AGT: variants seen among roughly 807,000 people sequenced by gnomAD.
AGT encodes the protein alpha-1 antiproteinase, antitrypsin.
AGT carries 26 observed loss-of-function variants against 28.1 expected under a neutral mutation model. The ratio of observed to expected loss-of-function variants is 0.92; its 90% CI spans 0.68 to 1.28. The LOEUF is 1.28. Among genes scored for constraint, AGT ranks in the 50% most tolerant of loss-of-function variants. The probability of loss-of-function intolerance (pLI) is 0.00; values close to 1 mark genes in which losing one functional copy is unlikely to be tolerated. For missense variants in AGT, 596 were observed against 592.3 expected (o/e 1.01, Z -0.06); for synonymous variants, 259 against 259.6 (o/e 1.00, Z 0.02).
In AGT at chr1:230,704,200, A is replaced by G. The variant is rs572071570; in HGVS notation, c.1235T>C (p.Val412Ala). ...LQKLSNDRIR[V>A]GEVLNSIFFE... ...ACACAGGCTCACACATACCTCCCCCACCCTGATGCGGTCATTGCTCAATTT... is the reference window on the plus strand; with the variant it reads ...ACACAGGCTCACACATACCTCCCCCGCCCTGATGCGGTCATTGCTCAATTT... The change falls in exon 4 of 5, where the codon GTG becomes GCG. Residue 412 changes from valine (V) to alanine (A), a missense_variant. Transcript: ENST00000366667. 5.0e-6 allele frequency: 8 copies of G among 1,613,978 alleles called. No individual in the cohort carries two copies. The South Asian group carries it at 6.6e-5, about 13-fold the overall frequency.
upstream of AGT, chr1:230,714,144 C>T (rs1434378577): frequency 6.6e-6 from 1 of 152,256 alleles, no homozygotes; most frequent in East Asian, 1.9e-4. Context: ...TCACGATGCC[C>T]TATTTATAGC....
chr1:230,712,407 C>A lies in AGT; in HGVS notation c.-30-1554G>T, dbSNP rs11568024. Among the ~76,000 whole-genome samples the A allele has an allele frequency of 9.4e-3, 1,430 of 152,296 alleles. 19 individuals carry two copies. Among genetic ancestry groups the A allele is most frequent in the African/African-American group, 0.033 (1,351 of 41,554 alleles). The stretch of plus-strand genomic sequence containing the variant: ...TCTGACCTCAGCTACCATCTCACCC[C>A]ACTCCCCATGCATTTGACTCCATCC... On this transcript the variant is annotated intron_variant, in intron 1 of 4. Coordinates refer to ENST00000366667, the MANE Select transcript of AGT (RefSeq NM_001384479.1).
chr1:230,725,298 C>T (rs531377026), intron 1 of AGT, among the ~76,000 whole-genome samples: 2 of 152,244 alleles, frequency 1.3e-5, no homozygotes, highest in South Asian at 4.2e-4. Flanking sequence ...ACGGGGGATG[C>T]ATCCCTAGTT....
At chr1:230,730,815 C>G (rs1401702524) in intron 1 of AGT, among the ~76,000 whole-genome samples, 1 of 152,106 alleles carries the variant, frequency 6.6e-6, no homozygotes, top group Non-Finnish European at 1.5e-5. Context: ...AAGAAAATAA[C>G]TTTTATCTGA....
At chr1:230,745,567 G>C (rs1471518128) in exon 1 of AGT, among the ~76,000 whole-genome samples, 1 of 152,214 alleles carries the variant, frequency 6.6e-6, no homozygotes, top group African/African-American at 2.4e-5. Flanking sequence ...TCCATGCCTG[G>C]TGAGGGTCTA....
At chr1:230,706,267 A>G (rs1352629660) in intron 2 of AGT, 67 bp from the exon 3 acceptor site, 2 of 1,557,704 alleles carry the variant, frequency 1.3e-6, no homozygotes, top group Non-Finnish European at 1.7e-6. Context: ...GAGGGCTGGC[A>G]GACACCAAAG....
At chr1:230,712,756 T>A (rs949651406) in intron 1 of AGT, among the ~76,000 whole-genome samples, 32 of 152,194 alleles carry the variant, frequency 2.1e-4, no homozygotes, top group Admixed American at 9.2e-4. Context: ...TCAGTTGTGA[T>A]CTGCGGCTGC....
At chr1:230,727,628 G>A (rs554453378) in intron 1 of AGT, among the ~76,000 whole-genome samples, 34 of 152,276 alleles carry the variant, frequency 2.2e-4, no homozygotes, top group African/African-American at 7.7e-4. Flanking sequence ...AACTAAGGAG[G>A]ACATATAAAG....
intron 1 of AGT, among the ~76,000 whole-genome samples, chr1:230,729,353 C>G (rs758569229): frequency 6.6e-6 from 1 of 152,214 alleles, no homozygotes; most frequent in Non-Finnish European, 1.5e-5. Flanking sequence ...TTAATTCTCC[C>G]GGTTGAAAAT....
In AGT at chr1:230,703,257, T is replaced by G; in HGVS notation, c.1315A>C (p.Lys439Gln). 6.2e-7 allele frequency: 1 copy of G among 1,614,146 alleles called. No individual in the cohort carries two copies. Among genetic ancestry groups the G allele is most frequent in the Non-Finnish European group, 8.5e-7 (1 of 1,180,028 alleles). The change falls in exon 5 of 5, where the codon AAG (lysine) becomes CAG (glutamine). Residue 439 changes from lysine (K) to glutamine (Q), a missense_variant. Lys to Gln is a moderately conservative substitution (Grantham distance 53). Transcript: ENST00000366667. ...AGGGTCACCTCCAAGACCTCAGGCT[T>G]GTTAAGCTGTTGGGTAGACTCTGTG... The part of the protein sequence containing the change: ...EPTESTQQLN[K>Q]PEVLEVTLNR...
intron 1 of AGT, among the ~76,000 whole-genome samples, chr1:230,741,795 C>T (rs1664252875): frequency 1.3e-5 from 2 of 152,174 alleles, no homozygotes; most frequent in Admixed American, 6.5e-5. Flanking sequence ...TGCAAATGTA[C>T]AGACATCTTG....
chr1:230,705,836 CA>C, intron 3 of AGT, 96 bp downstream of exon 3: 10 of 1,521,204 alleles, frequency 6.6e-6, no homozygotes, highest in Non-Finnish European at 9.1e-6. Context: ...GCTCTGCACC[CA>C]AGGCTCAGCT....
chr1:230,718,133 T>C (rs554483731), upstream of AGT, among the ~76,000 whole-genome samples: 2 of 152,242 alleles, frequency 1.3e-5, no homozygotes, highest in East Asian at 1.9e-4. Context: ...TTTGTAGAGA[T>C]AGGGTCTTGC....
At chr1:230,745,353 C>T (rs993363958) in intron 1 of AGT, among the ~76,000 whole-genome samples, 4 of 152,170 alleles carry the variant, frequency 2.6e-5, no homozygotes, top group East Asian at 1.9e-4. Flanking sequence ...CAGGCAGCAC[C>T]GATTATCCTG....
rs150452789 is a variant in AGT at position 230,706,003 on chromosome 1, C to T, written c.1027G>A (p.Asp343Asn). Reference protein sequence around the residue: ...LLLIQPHYASDLDKVEGLTFQ... With the variant: ...LLLIQPHYASNLDKVEGLTFQ... ...GTGAGACCCTCCACCTTGTCCAGGT[C>T]AGAGGCATAGTGAGGCTGGATCAGC... Residue 343 changes from aspartate (D) to asparagine (N), a missense_variant, in exon 3 of 5, where the codon GAC (aspartate) becomes AAC (asparagine). Transcript: ENST00000366667. 1.7e-4 allele frequency: 276 copies of T among 1,614,154 alleles called. No individual in the cohort carries two copies. Among genetic ancestry groups the T allele is most frequent in the Middle Eastern group, 1.2e-3 (7 of 6,062 alleles).
At chr1:230,708,407 T>C (rs1485624491) in intron 2 of AGT, among the ~76,000 whole-genome samples, 2 of 152,194 alleles carry the variant, frequency 1.3e-5, no homozygotes, top group African/African-American at 4.8e-5. Flanking sequence ...GCTAAGTCCA[T>C]GTGTCCCTGC....
chr1:230,741,728 G>C (rs1239479311), intron 1 of AGT, among the ~76,000 whole-genome samples: 2 of 152,190 alleles, frequency 1.3e-5, no homozygotes, highest in East Asian at 3.8e-4. Flanking sequence ...TCTGGGTGAA[G>C]ATCTAGTTCT....
intron 1 of AGT, among the ~76,000 whole-genome samples, chr1:230,740,034 C>T (rs1282813072): frequency 2.6e-5 from 4 of 152,162 alleles, no homozygotes; most frequent in African/African-American, 9.7e-5. Flanking sequence ...TGGTCATATG[C>T]TAAACAAAGG....
At chr1:230,720,516 C>T (rs1285052769) in intron 1 of AGT, among the ~76,000 whole-genome samples, 1 of 152,188 alleles carries the variant, frequency 6.6e-6, no homozygotes, top group Non-Finnish European at 1.5e-5. Context: ...GGGGCGGGTC[C>T]CCGGTGAAAT....
Sources: gnomAD v4.1 joint callset for allele counts (sites outside exome capture counted in the v4.1 genomes callset) on GRCh38, gnomAD v4.1.1 for gene constraint, MANE v1.5 for transcripts, NCBI Gene and HGNC (gene_info 2026-07-23, HGNC 2026-07-21) for gene names.